Variants in COLQ observed in about 807,000 individuals in gnomAD.
COLQ encodes the protein acetylcholinesterase collagenic tail peptide.
COLQ carries 48 observed loss-of-function variants against 69.0 expected under a neutral mutation model. The observed-to-expected ratio is 0.70, with a 90% confidence interval of 0.55 to 0.88. The LOEUF (loss-of-function observed/expected upper bound fraction) is 0.88. Among genes scored for constraint, COLQ ranks in the 40% least tolerant of loss-of-function variants. COLQ has a pLI of 0.00. For missense variants in COLQ, 618 were observed against 594.6 expected, an observed-to-expected ratio of 1.04 and a Z score of -0.41; for synonymous variants, 217 against 211.2, an observed-to-expected ratio of 1.03 and a Z score of -0.24.
In COLQ at chr3:15,453,908, C is replaced by T; in HGVS notation, c.1219G>A (p.Asp407Asn). Residue 407 changes from aspartate to asparagine, a missense_variant, in exon 16 of 17, where the codon GAT becomes AAT. Coordinates refer to ENST00000383788, the MANE Select transcript of COLQ (RefSeq NM_005677.4). Reference sequence around the variant, plus strand: ...TCCACACCCTCATGCCGGTGACCATCTCCACAGTAGGCACGGTGACAGCCT... The same window carrying T: ...TCCACACCCTCATGCCGGTGACCATTTCCACAGTAGGCACGGTGACAGCCT... The part of the protein sequence containing the change: ...CIRCHRAYCG[D>N]GHRHEGVEDC... 1.2e-6 allele frequency: 2 copies of T among 1,610,738 alleles called. No individual in the cohort carries two copies. Among genetic ancestry groups the T allele is most frequent in the Non-Finnish European group, 1.7e-6 (2 of 1,178,392 alleles).
intron 5 of COLQ, 99 bp downstream of exon 5, chr3:15,478,878 C>T: frequency 7.1e-7 from 1 of 1,402,908 alleles, no homozygotes; most frequent in Non-Finnish European, 1.0e-6. Context: ...GTATCAGTGA[C>T]CACTGAAGTG....
At chr3:15,467,711 T>C (rs968641616) in intron 11 of COLQ, 1 of 380,830 alleles carries the variant, frequency 2.6e-6, no homozygotes, top group African/African-American at 2.1e-5. Flanking sequence ...TGATTGACAC[T>C]TGCCATTTTT....
rs201234648 is a variant in COLQ at position 15,521,538 on chromosome 3, C to T, written c.88G>A (p.Val30Ile). Residue 30 changes from valine to isoleucine, a missense_variant, in exon 1 of 17, where the codon GTT (valine) becomes ATT (isoleucine). Transcript: ENST00000383788. Reference protein sequence around the residue: ...IVSQPTFINSVLPISAALPSL... With the variant: ...IVSQPTFINSILPISAALPSL... ...CATTTACCTGCTGAGATTGGAAGAA[C>T]GCTGTTGATGAAAGTCGGCTGAGAC... 6.2e-6 allele frequency: 10 copies of T among 1,613,958 alleles called. No individual in the cohort carries two copies. The highest frequency in any genetic ancestry group is 5.0e-5 in the Admixed American group (3 of 59,998).
chr3:15,507,587 T>C (rs2062928382), intron 1 of COLQ, among the ~76,000 whole-genome samples: 1 of 152,216 alleles, frequency 6.6e-6, no homozygotes, highest in Non-Finnish European at 1.5e-5. Flanking sequence ...CCCAAGAAGC[T>C]GGGACTACAG....
chr3:15,458,101 C>A, intron 13 of COLQ, 85 bp downstream of exon 13: 8 of 1,486,562 alleles, frequency 5.4e-6, no homozygotes, highest in African/African-American at 1.4e-5. Context: ...GTTAGTTTTA[C>A]TGAAAGGATT....
chr3:15,486,447 C>T (rs1027946497), intron 3 of COLQ, among the ~76,000 whole-genome samples: 1 of 152,174 alleles, frequency 6.6e-6, no homozygotes, highest in African/African-American at 2.4e-5. Context: ...CTACACAGGA[C>T]CCTGCATTTG....
chr3:15,459,628 G>T (rs1258106247), intron 12 of COLQ, among the ~76,000 whole-genome samples: 4 of 151,696 alleles, frequency 2.6e-5, no homozygotes, highest in African/African-American at 7.3e-5. Context: ...ACAGGCACGT[G>T]CCATCAGGTT....
In COLQ at chr3:15,489,407, G is replaced by A. The variant is rs139040714; in HGVS notation, c.219+118C>T. 2.6e-4 allele frequency: 241 copies of A among 917,102 alleles called. 1 individual carries two copies. The African/African-American group carries it at 3.4e-3, about 13-fold the overall frequency. 56.8% of individuals were successfully genotyped at this position (917,102 alleles called of 1,614,324 possible). A position where few individuals can be genotyped will look rare whatever the true frequency, so the allele number is the denominator to read the frequency against. On this transcript the variant is annotated intron_variant, in intron 2 of 16. Coordinates refer to ENST00000383788, the MANE Select transcript of COLQ (RefSeq NM_005677.4). ...CTTCTGGGTGACAGTGGAGGGTTGA[G>A]GCTCTCAGAAAAGATTCCGGAGGCA...
In COLQ at chr3:15,498,574, G is replaced by C. The variant is rs1480079641; in HGVS notation, c.107-8937C>G. The C allele has an allele frequency of 2.6e-6, 4 of 1,551,982 alleles. No homozygotes were observed. In the Admixed American group the frequency reaches 5.9e-5, roughly 23 times the overall value. ...GATGAGCAGATGAGCGAGGCTGAATGATGAGCCCGTCATTGTGAGGCAGGG... is the reference window on the plus strand; with the variant it reads ...GATGAGCAGATGAGCGAGGCTGAATCATGAGCCCGTCATTGTGAGGCAGGG... On this transcript the variant is annotated intron_variant, in intron 1 of 16. Transcript: ENST00000383788.
chr3:15,514,472 A>T (rs1430241176), intron 1 of COLQ, among the ~76,000 whole-genome samples: 1 of 152,182 alleles, frequency 6.6e-6, no homozygotes, highest in Non-Finnish European at 1.5e-5. Context: ...CACCTGGAGG[A>T]CTTTAAGCAT....
At chr3:15,453,171 C>T (rs966658022) in intron 16 of COLQ, among the ~76,000 whole-genome samples, 5 of 152,236 alleles carry the variant, frequency 3.3e-5, no homozygotes, top group Non-Finnish European at 7.3e-5. Context: ...ATGGAATCAG[C>T]ACCTCATGGG....
intron 3 of COLQ, among the ~76,000 whole-genome samples, chr3:15,483,706 A>G (rs2062528436): frequency 6.6e-6 from 1 of 152,088 alleles, no homozygotes; most frequent in Admixed American, 6.5e-5. Context: ...TGGGGTGGAG[A>G]GTTCTGTAGA....
chr3:15,506,670 C>T (rs1481458856), intron 1 of COLQ: 1 of 152,152 alleles, frequency 6.6e-6, no homozygotes, highest in African/African-American at 2.4e-5. Context: ...CAGGCATAAT[C>T]CCACTAATGA....
chr3:15,479,340 T>C lies in COLQ; in HGVS notation c.364A>G (p.Lys122Glu). Residue 122 changes from lysine (K) to glutamate (E), a missense_variant and splice_region_variant, in exon 4 of 17, where the codon AAG (lysine) becomes GAG (glutamate). Coordinates refer to ENST00000383788, the MANE Select transcript of COLQ (RefSeq NM_005677.4). ...TTGAAGAAAGTAGTGGTCCATACCT[T>C]TTCTCCCTTTGGTCCTGTCTTGCCA... Reference protein sequence around the residue: ...LPGKTGPKGEKGELGRPGRKG... With the variant: ...LPGKTGPKGEEGELGRPGRKG... 1.2e-6 allele frequency: 2 copies of C among 1,614,068 alleles called. No individual in the cohort carries two copies. Among genetic ancestry groups the C allele is most frequent in the Non-Finnish European group, 1.7e-6 (2 of 1,179,914 alleles).
At chr3:15,467,835 G>C (rs752670926) in intron 11 of COLQ, 1 of 456,438 alleles carries the variant, frequency 2.2e-6, no homozygotes, top group Non-Finnish European at 4.4e-6. Context: ...CAGCCACAAC[G>C]GTGACAGGTG....
intron 1 of COLQ, among the ~76,000 whole-genome samples, chr3:15,502,710 G>A (rs1386977084): frequency 2.6e-5 from 4 of 152,040 alleles, no homozygotes; most frequent in African/African-American, 9.7e-5. Flanking sequence ...CACCACGCCC[G>A]GCCTAACTTG....
intron 5 of COLQ, chr3:15,478,507 T>G: frequency 4.5e-6 from 1 of 219,890 alleles, no homozygotes; most frequent in Non-Finnish European, 9.2e-6. Context: ...ATGTGTTTGG[T>G]TCACGCAGAG....
At chr3:15,452,763 T>A (rs2061967714) in intron 16 of COLQ, among the ~76,000 whole-genome samples, 2 of 151,588 alleles carry the variant, frequency 1.3e-5, no homozygotes, top group African/African-American at 2.4e-5. Context: ...GGGCTTAGAG[T>A]CTGGGGGAGA....
At chr3:15,472,666 A>G (rs1478806031) in intron 10 of COLQ, among the ~76,000 whole-genome samples, 1 of 152,082 alleles carries the variant, frequency 6.6e-6, no homozygotes, top group East Asian at 1.9e-4. Context: ...TTCTCTCTTT[A>G]TTCTCTGACA....
Sources: allele counts gnomAD v4.1 joint callset (sites outside exome capture counted in the v4.1 genomes callset), GRCh38; gene constraint gnomAD v4.1.1; transcripts MANE v1.5; gene names NCBI Gene and HGNC (gene_info 2026-07-23, HGNC 2026-07-21).